Variants in NTM observed in about 807,000 individuals in gnomAD.
NTM encodes the protein IgLON family member 2.
Under a neutral mutation model 42.1 loss-of-function variants are expected in NTM, and 13 were observed. The observed-to-expected ratio is 0.31, with a 90% confidence interval of 0.20 to 0.49. The LOEUF is 0.49. NTM is among the 20% of genes least tolerant of loss of function. The pLI is 0.99. For synonymous variants in NTM, 187 were observed against 179.2 expected, an observed-to-expected ratio of 1.04 and a Z score of -0.35; for missense variants, 373 against 452.8, an observed-to-expected ratio of 0.82 and a Z score of 1.60.
Position 131,514,381 on chromosome 11 carries a change from T to C in NTM, c.82+143493T>C, listed in dbSNP as rs983043009. On this transcript the variant is annotated intron_variant, in intron 1 of 8. Transcript: ENST00000683400. The stretch of plus-strand genomic sequence containing the variant: ...GGCCGTCAAGTGACATTAGGTATTA[T>C]TAATATTGGCCTTATTGGCAGTCTT... 2.0e-5 allele frequency among the ~76,000 whole-genome samples: 3 copies of C among 152,322 alleles called. No individual in the cohort carries two copies. In the South Asian group the frequency reaches 6.2e-4, roughly 32 times the overall value.
At chr11:131,522,785 T>C (rs559966944) in intron 1 of NTM, among the ~76,000 whole-genome samples, 2 of 152,286 alleles carry the variant, frequency 1.3e-5, no homozygotes, top group South Asian at 4.1e-4. Flanking sequence ...TTAAGCTGTA[T>C]TATTAGGGTT....
At chr11:131,404,741 C>T (rs1303435894) in intron 1 of NTM, among the ~76,000 whole-genome samples, 2 of 152,190 alleles carry the variant, frequency 1.3e-5, no homozygotes, top group Non-Finnish European at 2.9e-5. Flanking sequence ...GTTTAGTTGC[C>T]ATTGCCTGAA....
At position 131,764,142 on chromosome 11, in the gene NTM, C is replaced by T. The variant is rs79370060; in HGVS notation, c.83-147422C>T. Among the ~76,000 whole-genome samples the T allele has an allele frequency of 5.3e-3, 810 of 151,956 alleles. 6 individuals carry two copies. Among genetic ancestry groups the T allele is most frequent in the African/African-American group, 0.017 (700 of 41,430 alleles). ...TATTAATGGCCATAACAGTAATAAGCGGCAACATTACCACTTGCTTTTTGT... is the reference window on the plus strand; with the variant it reads ...TATTAATGGCCATAACAGTAATAAGTGGCAACATTACCACTTGCTTTTTGT... On this transcript the variant is annotated intron_variant, in intron 1 of 8. Coordinates refer to ENST00000683400, the MANE Select transcript of NTM (RefSeq NM_001352005.2).
At chr11:131,467,193 A>G (rs574400598) in intron 1 of NTM, among the ~76,000 whole-genome samples, 1 of 152,360 alleles carries the variant, frequency 6.6e-6, no homozygotes, top group African/African-American at 2.4e-5. Context: ...AACTAAAGAC[A>G]AAAAGGTGGG....
chr11:131,555,590 T>C (rs2055300802), intron 1 of NTM, among the ~76,000 whole-genome samples: 1 of 152,242 alleles, frequency 6.6e-6, no homozygotes, highest in African/African-American at 2.4e-5. Context: ...AAGTAAAATA[T>C]GGAGCAGTCT....
At chr11:132,117,082 C>A (rs1039958963) in intron 2 of NTM, among the ~76,000 whole-genome samples, 2 of 152,206 alleles carry the variant, frequency 1.3e-5, no homozygotes, top group Non-Finnish European at 2.9e-5. Context: ...TCCAGAATGA[C>A]TCACATTCAT....
intron 1 of NTM, among the ~76,000 whole-genome samples, chr11:131,880,612 G>T (rs1487091947): frequency 1.3e-5 from 2 of 152,198 alleles, no homozygotes; most frequent in East Asian, 3.9e-4. Context: ...GCATTGGAAA[G>T]AATTCCTGCT....
At chr11:132,262,467 G>C (rs1228888177) in intron 4 of NTM, among the ~76,000 whole-genome samples, 1 of 152,190 alleles carries the variant, frequency 6.6e-6, no homozygotes, top group Admixed American at 6.5e-5. Flanking sequence ...TTCCAGTCAA[G>C]GCACTGACAG....
At chr11:131,911,779 T>G in intron 2 of NTM, 131 bp downstream of exon 2, 1 of 1,135,364 alleles carries the variant, frequency 8.8e-7, no homozygotes, top group South Asian at 1.4e-5. Context: ...GCTGCACAAT[T>G]TATGGCTGCG....
At chr11:132,095,018 G>A (rs997619407) in intron 2 of NTM, among the ~76,000 whole-genome samples, 1 of 152,214 alleles carries the variant, frequency 6.6e-6, no homozygotes, top group African/African-American at 2.4e-5. Flanking sequence ...AGGACAAACA[G>A]AGATGGAGAC....
intron 1 of NTM, among the ~76,000 whole-genome samples, chr11:131,409,670 A>G (rs1047094090): frequency 6.6e-6 from 1 of 152,120 alleles, no homozygotes; most frequent in Non-Finnish European, 1.5e-5. Flanking sequence ...TAAAGGAAAT[A>G]TTGTCTATAA....
At chr11:132,328,302 G>A (rs2095727227) in intron 7 of NTM, among the ~76,000 whole-genome samples, 1 of 152,154 alleles carries the variant, frequency 6.6e-6, no homozygotes. Flanking sequence ...TGGAAAGGTT[G>A]AACAACTGCT....
At chr11:131,827,501 T>C (rs551865504) in intron 1 of NTM, among the ~76,000 whole-genome samples, 10 of 152,304 alleles carry the variant, frequency 6.6e-5, no homozygotes, top group Admixed American at 5.2e-4. Flanking sequence ...ATCCATGTGT[T>C]TCAGTTCCTG....
chr11:131,530,235 C>T (rs2051059093), intron 1 of NTM, among the ~76,000 whole-genome samples: 1 of 152,088 alleles, frequency 6.6e-6, no homozygotes. Context: ...TAAATACTTG[C>T]TGAGTGCATG....
chr11:131,497,364 T>C (rs778736877), intron 1 of NTM, among the ~76,000 whole-genome samples: 7 of 100,060 alleles, frequency 7.0e-5, no homozygotes, highest in Non-Finnish European at 1.1e-4. Flanking sequence ...AACTTTTGTA[T>C]TTTTAGTAGA....
In NTM at chr11:131,398,267, A is replaced by G. The variant is rs115552575; in HGVS notation, c.82+27379A>G. Among the ~76,000 whole-genome samples, 526 of 152,264 alleles carry G rather than the reference A, an allele frequency of 3.5e-3. 3 individuals carry two copies. The highest frequency in any genetic ancestry group is 0.012 in the African/African-American group (499 of 41,554). On this transcript the variant is annotated intron_variant, in intron 1 of 8. Coordinates refer to ENST00000683400, the MANE Select transcript of NTM (RefSeq NM_001352005.2). The stretch of plus-strand genomic sequence containing the variant: ...AGGGCTTTGGAAAACACTTAACCCA[A>G]CATTCTCAGTTGATTATTATTGATG...
At chr11:132,296,400 G>A (rs1284167159) in intron 4 of NTM, among the ~76,000 whole-genome samples, 1 of 152,158 alleles carries the variant, frequency 6.6e-6, no homozygotes, top group East Asian at 1.9e-4. Context: ...CCTATAGTTT[G>A]TTCCTTCTAA....
At chr11:131,871,387 G>C (rs993164924) in intron 1 of NTM, among the ~76,000 whole-genome samples, 1 of 152,114 alleles carries the variant, frequency 6.6e-6, no homozygotes. Context: ...TTTCCAAGTA[G>C]GTGGAATATA....
At chr11:131,374,804 A>G (rs1008995840) in intron 1 of NTM, among the ~76,000 whole-genome samples, 6 of 152,196 alleles carry the variant, frequency 3.9e-5, no homozygotes, top group Non-Finnish European at 8.8e-5. Context: ...TTCTGAATCA[A>G]TATGGGGCAC....
Sources: gnomAD v4.1 joint callset for allele counts (sites outside exome capture counted in the v4.1 genomes callset) on GRCh38, gnomAD v4.1.1 for gene constraint, MANE v1.5 for transcripts, NCBI Gene and HGNC (gene_info 2026-07-23, HGNC 2026-07-21) for gene names.